The following DOCK8 variants were observed in gnomAD, a reference collection of about 807,000 sequenced individuals.
The protein encoded by DOCK8 is dedicator of cytokinesis protein 8.
A neutral mutation model predicts 245.6 loss-of-function variants in DOCK8; 141 were observed. That is an observed-to-expected ratio of 0.57 (90% CI 0.50 to 0.66). DOCK8 has a LOEUF of 0.66. DOCK8 is among the 30% of genes least tolerant of loss of function. The pLI, the probability that DOCK8 is intolerant of heterozygous loss-of-function variation, is 0.00. For synonymous variants in DOCK8, 1,168 were observed against 970.2 expected, an observed-to-expected ratio of 1.20 and a Z score of -3.79; for missense variants, 2,965 against 2,603.4, an observed-to-expected ratio of 1.14 and a Z score of -3.02.
intron 1 of DOCK8, among the ~76,000 whole-genome samples, chr9:235,135 G>A (rs892165520): frequency 5.9e-5 from 9 of 152,194 alleles, no homozygotes; most frequent in African/African-American, 1.9e-4. Context: ...CTCAGCTGCA[G>A]GTCTGTTGGA....
chr9:252,661 G>A (rs184823684), intron 1 of DOCK8, among the ~76,000 whole-genome samples: 1,763 of 151,764 alleles, frequency 0.012, 13 homozygotes, highest in Middle Eastern at 0.028. Context: ...AAAATTAGCC[G>A]GGCCTGGTGA....
chr9:390,832 G>A (rs2054160540), intron 24 of DOCK8, among the ~76,000 whole-genome samples: 1 of 152,110 alleles, frequency 6.6e-6, no homozygotes, highest in Non-Finnish European at 1.5e-5. Context: ...GCCTCTCGCA[G>A]TGACATCCTC....
intron 1 of DOCK8, among the ~76,000 whole-genome samples, chr9:267,519 TA>T (rs1394029158): frequency 1.3e-5 from 2 of 152,242 alleles, no homozygotes; most frequent in Non-Finnish European, 2.9e-5. Context: ...TGGATTTTTT[TA>T]AAATTATGAA....
At chr9:414,111 C>T (rs1338607600) in intron 28 of DOCK8, among the ~76,000 whole-genome samples, 1 of 147,834 alleles carries the variant, frequency 6.8e-6, no homozygotes, top group Non-Finnish European at 1.5e-5. Flanking sequence ...CATTGCACTC[C>T]AGCCTGAACA....
At chr9:285,029 A>G (rs536356646) in intron 2 of DOCK8, among the ~76,000 whole-genome samples, 24 of 152,246 alleles carry the variant, frequency 1.6e-4, no homozygotes, top group African/African-American at 5.5e-4. Context: ...TAATTGTACA[A>G]CAAACCCCCA....
At chr9:288,175 A>G (rs951006137) in intron 3 of DOCK8, among the ~76,000 whole-genome samples, 1 of 151,866 alleles carries the variant, frequency 6.6e-6, no homozygotes, top group Non-Finnish European at 1.5e-5. Context: ...TGATGTCTTT[A>G]AGACAGCCTC....
rs2051805583 is a variant in DOCK8, at chr9:344,968, C to T, written c.1679+4647C>T. Among the ~76,000 whole-genome samples, 2 of 152,104 alleles carry T rather than the reference C, an allele frequency of 1.3e-5. 1 individual carries two copies. Among genetic ancestry groups the T allele is most frequent in the South Asian group, 4.1e-4 (2 of 4,826 alleles). On this transcript the variant is annotated intron_variant, in intron 14 of 47. Coordinates refer to ENST00000432829, the MANE Select transcript of DOCK8 (RefSeq NM_203447.4). The stretch of plus-strand genomic sequence containing the variant: ...TCAGGAGGCTGAGGCGGGAGAATCG[C>T]TTGAACCCAGGAGGCAGAGGTTGCA...
intron 13 of DOCK8, among the ~76,000 whole-genome samples, chr9:339,593 C>T (rs530302537): frequency 1.5e-4 from 23 of 152,210 alleles, no homozygotes; most frequent in Non-Finnish European, 3.1e-4. Context: ...CAGCTCACTG[C>T]AACCTCTGCC....
intron 14 of DOCK8, among the ~76,000 whole-genome samples, chr9:361,588 A>G (rs910757145): frequency 1.3e-5 from 2 of 152,160 alleles, no homozygotes; most frequent in Admixed American, 1.3e-4. Flanking sequence ...TCCACCCATT[A>G]TCTAATCACA....
intron 14 of DOCK8, among the ~76,000 whole-genome samples, chr9:359,252 C>A (rs1457782089): frequency 6.6e-6 from 1 of 152,180 alleles, no homozygotes; most frequent in African/African-American, 2.4e-5. Flanking sequence ...CAATAAAGTT[C>A]TGGTGAGTCT....
intron 44 of DOCK8, 107 bp downstream of exon 44, chr9:446,713 A>G (rs555747281): frequency 3.0e-5 from 29 of 973,612 alleles, no homozygotes; most frequent in Non-Finnish European, 4.7e-5. Context: ...ACAAGGAGGG[A>G]TGCACTTGAA....
At chr9:308,458 ACT>A (rs1218120556) in intron 5 of DOCK8, among the ~76,000 whole-genome samples, 1 of 152,172 alleles carries the variant, frequency 6.6e-6, no homozygotes, top group Non-Finnish European at 1.5e-5. Flanking sequence ...TTTCAATTCC[ACT>A]CTCATTCTTG....
At chr9:427,076 T>C in intron 34 of DOCK8, 95 bp downstream of exon 34, 1 of 1,041,426 alleles carries the variant, frequency 9.6e-7, no homozygotes, top group Non-Finnish European at 1.5e-6. Flanking sequence ...GACATAAATG[T>C]GATCCCATAG....
intron 2 of DOCK8, among the ~76,000 whole-genome samples, chr9:285,163 A>G (rs973849227): frequency 6.6e-6 from 1 of 152,018 alleles, no homozygotes; most frequent in South Asian, 2.1e-4. Flanking sequence ...CTCACTCCCT[A>G]ACTTACGCCA....
chr9:401,243 G>A (rs909825253), intron 26 of DOCK8, among the ~76,000 whole-genome samples: 1 of 152,206 alleles, frequency 6.6e-6, no homozygotes, highest in Non-Finnish European at 1.5e-5. Flanking sequence ...TCAACGAAAA[G>A]GATAGGACCA....
intron 1 of DOCK8, among the ~76,000 whole-genome samples, chr9:268,511 C>G (rs186333237): frequency 4.5e-4 from 69 of 152,278 alleles, no homozygotes; most frequent in African/African-American, 1.6e-3. Flanking sequence ...GAAAGCAAGA[C>G]CCTATCCTTC....
intron 1 of DOCK8, among the ~76,000 whole-genome samples, chr9:249,130 T>TG (rs1563839831): frequency 6.6e-6 from 1 of 152,214 alleles, no homozygotes; most frequent in Non-Finnish European, 1.5e-5. Context: ...GAAAGATTGC[T>TG]GGGGGGTTTC....
intron 14 of DOCK8, among the ~76,000 whole-genome samples, chr9:346,319 C>T (rs754680498): frequency 1.1e-4 from 16 of 151,426 alleles, no homozygotes; most frequent in Non-Finnish European, 1.9e-4. Context: ...ACTAGAGACA[C>T]CAGCTGCTTT....
At chr9:394,811 G>C (rs149697631) in intron 24 of DOCK8, among the ~76,000 whole-genome samples, 515 of 152,364 alleles carry the variant, frequency 3.4e-3, no homozygotes, top group African/African-American at 0.012. Flanking sequence ...GCCTCCACTA[G>C]TGTTTCTACT....
Sources: allele counts gnomAD v4.1 joint callset (sites outside exome capture counted in the v4.1 genomes callset), GRCh38; gene constraint gnomAD v4.1.1; transcripts MANE v1.5; gene names NCBI Gene and HGNC (gene_info 2026-07-23, HGNC 2026-07-21).